Variants in CLDN16 observed in about 807,000 individuals in gnomAD.
CLDN16 encodes the protein claudin 16.
A neutral mutation model predicts 24.6 loss-of-function variants in CLDN16; 13 were observed. The observed-to-expected ratio is 0.53, with a 90% CI of 0.34 to 0.84. The LOEUF is 0.84. Ranked by LOEUF, CLDN16 falls within the 40% of genes least tolerant of loss-of-function variation. CLDN16 has a pLI of 0.01. For missense variants in CLDN16, 298 were observed against 292.7 expected, an observed-to-expected ratio of 1.02 and a Z score of -0.13; for synonymous variants, 116 against 106.7, an observed-to-expected ratio of 1.09 and a Z score of -0.54.
At chr3:190,364,824 T>C (rs1056760524) in intron 1 of CLDN16, among the ~76,000 whole-genome samples, 4 of 151,550 alleles carry the variant, frequency 2.6e-5, no homozygotes, top group South Asian at 2.1e-4. Context: ...GAGCTGAGCG[T>C]TGTCTTTTTT....
intron 1 of CLDN16, among the ~76,000 whole-genome samples, chr3:190,342,593 G>A (rs773879442): frequency 6.6e-6 from 1 of 152,162 alleles, no homozygotes; most frequent in Admixed American, 6.5e-5. Context: ...AAACAAAACA[G>A]CATGGTACTG....
chr3:190,291,950 G>A, the CLDN16 span, among the ~76,000 whole-genome samples: 1 of 152,156 alleles, frequency 6.6e-6, no homozygotes, highest in African/African-American at 2.4e-5. Flanking sequence ...CCACAGCCTT[G>A]GGAAACTCCT....
chr3:190,402,516 CTT>C, intron 2 of CLDN16, 77 bp downstream of exon 2: 1 of 1,125,862 alleles, frequency 8.9e-7, no homozygotes, highest in Middle Eastern at 1.9e-4. Context: ...CCATTTTGTG[CTT>C]TGTTTTCTAT....
intron 1 of CLDN16, among the ~76,000 whole-genome samples, chr3:190,354,652 T>A (rs1205904377): frequency 6.6e-6 from 1 of 151,860 alleles, no homozygotes; most frequent in East Asian, 1.9e-4. Context: ...TCATTGGTTG[T>A]GAGATTATGG....
At chr3:190,290,650 G>A in the CLDN16 span, among the ~76,000 whole-genome samples, 4 of 152,130 alleles carry the variant, frequency 2.6e-5, no homozygotes, top group African/African-American at 7.2e-5. Context: ...TTAGCAATGA[G>A]TATCTTAAAA....
the CLDN16 span, among the ~76,000 whole-genome samples, chr3:190,313,815 G>A: frequency 6.6e-6 from 1 of 151,980 alleles, no homozygotes; most frequent in Admixed American, 6.6e-5. Flanking sequence ...CATTATTTTT[G>A]GTGTACTAAC....
intron 3 of CLDN16, among the ~76,000 whole-genome samples, chr3:190,379,239 C>T (rs140689049): frequency 1.7e-3 from 256 of 152,124 alleles, no homozygotes; most frequent in African/African-American, 5.9e-3. Context: ...TAATTCCAGT[C>T]CATTTTTCTA....
At chr3:190,388,528 C>A in intron 1 of CLDN16, 85 bp downstream of exon 1, 1 of 1,129,562 alleles carries the variant, frequency 8.9e-7, no homozygotes, top group Non-Finnish European at 1.4e-6. Context: ...CATTCAGTAT[C>A]TTTACTAAGG....
At chr3:190,381,088 C>T (rs1432594996) in intron 3 of CLDN16, among the ~76,000 whole-genome samples, 1 of 152,076 alleles carries the variant, frequency 6.6e-6, no homozygotes, top group Non-Finnish European at 1.5e-5. Context: ...GACAAATAAA[C>T]TACAAAGGCT....
At chr3:190,323,253 G>A (rs1031696186) in intron 1 of CLDN16, among the ~76,000 whole-genome samples, 3 of 152,186 alleles carry the variant, frequency 2.0e-5, no homozygotes, top group African/African-American at 7.2e-5. Context: ...AGAGGGACCT[G>A]GCCAGTGCCC....
At chr3:190,395,887 A>G (rs1718807707) in intron 1 of CLDN16, among the ~76,000 whole-genome samples, 1 of 152,148 alleles carries the variant, frequency 6.6e-6, no homozygotes, top group Admixed American at 6.5e-5. Flanking sequence ...CTCTGTAGAT[A>G]GATACATAGA....
upstream of CLDN16, chr3:190,322,253 G>A (rs1314626169): frequency 1.3e-6 from 2 of 1,575,276 alleles, no homozygotes; most frequent in South Asian, 1.1e-5. Context: ...AGGTGCAGAA[G>A]GCGGAGAGTT....
intron 1 of CLDN16, among the ~76,000 whole-genome samples, chr3:190,361,379 C>T (rs1717884104): frequency 6.6e-6 from 1 of 152,000 alleles, no homozygotes; most frequent in African/African-American, 2.4e-5. Context: ...AACCTGTAAG[C>T]TGTTCTTGTT....
intron 1 of CLDN16, among the ~76,000 whole-genome samples, chr3:190,323,558 C>T (rs1260506053): frequency 6.6e-6 from 1 of 152,128 alleles, no homozygotes; most frequent in Middle Eastern, 3.4e-3. Flanking sequence ...GTGTGTGGTG[C>T]GAGTGTGGTG....
intron 2 of CLDN16, among the ~76,000 whole-genome samples, chr3:190,402,792 G>A (rs921829724): frequency 6.6e-6 from 1 of 152,026 alleles, no homozygotes; most frequent in African/African-American, 2.4e-5. Flanking sequence ...TAAACTGGAC[G>A]GGTTAGGGGG....
the CLDN16 span, chr3:190,312,945 C>G: frequency 6.2e-7 from 1 of 1,614,226 alleles, no homozygotes; most frequent in Non-Finnish European, 8.5e-7. Context: ...CCAAGCACTT[C>G]ATACACTTCA....
At chr3:190,315,926 C>T in the CLDN16 span, among the ~76,000 whole-genome samples, 1 of 152,156 alleles carries the variant, frequency 6.6e-6, no homozygotes, top group Non-Finnish European at 1.5e-5. Flanking sequence ...TACTCCAGGG[C>T]CCTTACTGCA....
At chr3:190,324,501 TAAATAAAC>T (rs1717016466) in intron 1 of CLDN16, among the ~76,000 whole-genome samples, 1 of 149,194 alleles carries the variant, frequency 6.7e-6, no homozygotes, top group Non-Finnish European at 1.5e-5. Flanking sequence ...AATAAATAAA[TAAATAAAC>T]AAATAAATGA....
chr3:190,328,223 G>A (rs1229723679), intron 1 of CLDN16, among the ~76,000 whole-genome samples: 1 of 152,116 alleles, frequency 6.6e-6, no homozygotes, highest in African/African-American at 2.4e-5. Context: ...GGAGGCTATA[G>A]TGAGCTGTGA....
Sources: gnomAD v4.1 joint callset for allele counts (sites outside exome capture counted in the v4.1 genomes callset) on GRCh38, gnomAD v4.1.1 for gene constraint, MANE v1.5 for transcripts, NCBI Gene and HGNC (gene_info 2026-07-23, HGNC 2026-07-21) for gene names.